GPC3: variants seen among roughly 807,000 people sequenced by gnomAD.
The protein encoded by GPC3 is glypican 3, also known as glypican-3.
GPC3 carries 3 observed loss-of-function variants against 34.4 expected under a neutral mutation model. That is an observed-to-expected ratio of 0.09 (90% CI 0.04 to 0.23). GPC3 has a LOEUF of 0.23. GPC3 is among the 10% of genes least tolerant of loss of function. GPC3 has a pLI of 1.00. For synonymous variants in GPC3, 177 were observed against 174.0 expected (o/e 1.02, Z -0.13); for missense variants, 351 against 445.6 (o/e 0.79, Z 1.91).
intron 6 of GPC3, among the ~76,000 whole-genome samples, chrX:133,638,930 C>T (rs1022642811): frequency 4.5e-5 from 5 of 111,328 alleles, no homozygotes; most frequent in Admixed American, 9.6e-5. Flanking sequence ...ACATGAGTCC[C>T]GTGGGCCGTG....
At position 133,559,787 on chromosome X, in the gene GPC3, T is replaced by C. The variant is rs1320654429; in HGVS notation, c.1574-23494A>G. On this transcript the variant is annotated intron_variant, in intron 7 of 7. Transcript: ENST00000370818. ...TCAAGCGTAAGATGTTATTTTTTAT[T>C]TGAGAAAGCCATTAACATTTCTGGA... 4.5e-5 allele frequency among the ~76,000 whole-genome samples: 5 copies of C among 111,842 alleles called. No individual in the cohort carries two copies. The East Asian group carries it at 1.4e-3, about 31-fold the overall frequency.
chrX:133,584,930 C>CAAAAAAAAA (rs68159308), intron 7 of GPC3, among the ~76,000 whole-genome samples: 8 of 68,248 alleles, frequency 1.2e-4, no homozygotes, highest in East Asian at 4.8e-4. Context: ...TATAAAAAGC[C>CAAAAAAAAA]AAAAAAAAAA....
At chrX:133,805,484 G>T (rs1005484687) in intron 2 of GPC3, among the ~76,000 whole-genome samples, 2 of 111,985 alleles carry the variant, frequency 1.8e-5, no homozygotes, top group Non-Finnish European at 3.8e-5. Context: ...TTTGAATGTG[G>T]TCATCAGTGA....
At chrX:133,868,631 G>A (rs2075979785) in intron 2 of GPC3, among the ~76,000 whole-genome samples, 1 of 111,720 alleles carries the variant, frequency 9.0e-6, no homozygotes, top group African/African-American at 3.3e-5. Context: ...AGGGGTACAG[G>A]TAAAGTCTAG....
At chrX:133,647,287 G>A (rs781220649) in intron 6 of GPC3, among the ~76,000 whole-genome samples, 8 of 112,731 alleles carry the variant, frequency 7.1e-5, no homozygotes, top group Non-Finnish European at 1.5e-4. Context: ...TCAAAGAGCT[G>A]AAGATACGGT....
chrX:133,851,482 C>T (rs998475870), intron 2 of GPC3, among the ~76,000 whole-genome samples: 7 of 111,839 alleles, frequency 6.3e-5, no homozygotes, highest in Non-Finnish European at 1.3e-4. Flanking sequence ...GTGCAGATTG[C>T]ATGGGTTATA....
intron 7 of GPC3, among the ~76,000 whole-genome samples, chrX:133,595,342 T>C (rs1195747488): frequency 5.4e-5 from 6 of 111,207 alleles, no homozygotes; most frequent in African/African-American, 3.3e-5. Context: ...AGTTCTTCCA[T>C]ATAGAGCAAT....
chrX:133,657,957 T>C (rs2070682213), intron 6 of GPC3, among the ~76,000 whole-genome samples: 2 of 110,318 alleles, frequency 1.8e-5, no homozygotes, highest in African/African-American at 3.3e-5. Flanking sequence ...TCTGTATTTA[T>C]AAATATGTAT....
At chrX:133,675,166 C>T (rs1603220286) in intron 5 of GPC3, among the ~76,000 whole-genome samples, 1 of 111,946 alleles carries the variant, frequency 8.9e-6, no homozygotes, top group East Asian at 2.8e-4. Context: ...TGTTTTCATG[C>T]AAATAGGTGC....
chrX:133,541,136 A>C (rs2069338477), intron 7 of GPC3, among the ~76,000 whole-genome samples: 1 of 110,801 alleles, frequency 9.0e-6, no homozygotes, highest in African/African-American at 3.3e-5. Context: ...ATGATTGTTA[A>C]CACTGTGGAA....
At chrX:133,858,054 A>G (rs6634939) in intron 2 of GPC3, among the ~76,000 whole-genome samples, 39,127 of 110,498 alleles carry the variant, frequency 0.35, 6,841 homozygotes, top group African/African-American at 0.68. Context: ...ATGGATATCC[A>G]GGTACACAGG....
At chrX:133,623,608 A>C (rs2070258498) in intron 6 of GPC3, among the ~76,000 whole-genome samples, 1 of 112,244 alleles carries the variant, frequency 8.9e-6, no homozygotes, top group African/African-American at 3.2e-5. Context: ...AGAAGAGCTA[A>C]CTATCCTAAA....
chrX:133,582,967 C>T (rs2069748052), intron 7 of GPC3, among the ~76,000 whole-genome samples: 1 of 111,577 alleles, frequency 9.0e-6, no homozygotes, highest in Non-Finnish European at 1.9e-5. Context: ...GAAATGAGAA[C>T]TGGATTCTTG....
At chrX:133,576,046 C>T (rs956632174) in intron 7 of GPC3, among the ~76,000 whole-genome samples, 4 of 111,924 alleles carry the variant, frequency 3.6e-5, no homozygotes, top group Admixed American at 9.5e-5. Context: ...TCTTCTTGCT[C>T]AGGCTATTCT....
chrX:133,600,051 A>G (rs1443860601), intron 6 of GPC3, among the ~76,000 whole-genome samples: 3 of 111,295 alleles, frequency 2.7e-5, no homozygotes, highest in South Asian at 3.8e-4. Flanking sequence ...TCTGTATGCA[A>G]TCCGGTATTT....
At chrX:133,590,626 G>T (rs2069837993) in intron 7 of GPC3, among the ~76,000 whole-genome samples, 1 of 111,998 alleles carries the variant, frequency 8.9e-6, no homozygotes, top group African/African-American at 3.2e-5. Context: ...ATTAATTGTG[G>T]TTTTTGCCAT....
chrX:133,699,974 G>A lies in GPC3; in HGVS notation c.1087C>T (p.Pro363Ser), dbSNP rs922588870. Reference protein sequence around the residue: ...QQRQYRSAYYPEDLFIDKKVL... With the variant: ...QQRQYRSAYYSEDLFIDKKVL... ...TTCTTGTCAATAAAGAGATCTTCAG[G>A]ATAATAAGCAGATCTATATTGGCGT... The change falls in exon 4 of 8, where the codon CCT (proline) becomes TCT (serine). Residue 363 changes from proline (P) to serine (S), a missense_variant. Pro to Ser is a moderately conservative substitution (Grantham distance 74). Coordinates refer to ENST00000370818, the MANE Select transcript of GPC3 (RefSeq NM_004484.4). The A allele has an allele frequency of 8.4e-7, 1 of 1,189,826 alleles. No homozygotes were observed. Among genetic ancestry groups the A allele is most frequent in the Non-Finnish European group, 1.1e-6 (1 of 876,882 alleles).
At chrX:133,854,880 T>C (rs780281124) in intron 2 of GPC3, among the ~76,000 whole-genome samples, 9 of 112,317 alleles carry the variant, frequency 8.0e-5, no homozygotes, top group African/African-American at 2.9e-4. Context: ...GTGAATTCTA[T>C]GCAACCATTC....
chrX:133,588,280 T>C (rs2069811354), intron 7 of GPC3, among the ~76,000 whole-genome samples: 1 of 111,543 alleles, frequency 9.0e-6, no homozygotes, highest in Non-Finnish European at 1.9e-5. Context: ...CCATAATTTA[T>C]TCCTGGACTT....
Sources: allele counts gnomAD v4.1 joint callset (sites outside exome capture counted in the v4.1 genomes callset), GRCh38; gene constraint gnomAD v4.1.1; transcripts MANE v1.5; gene names NCBI Gene and HGNC (gene_info 2026-07-23, HGNC 2026-07-21).